PTK2: variants seen among roughly 807,000 people sequenced by gnomAD.
PTK2 encodes protein tyrosine kinase 2, also known as focal adhesion kinase 1.
In PTK2, 45 loss-of-function variants were observed where a neutral mutation model predicts 150.1. The ratio of observed to expected loss-of-function variants is 0.30; its 90% CI spans 0.24 to 0.38. The LOEUF is 0.38. PTK2 is among the 10% of genes least tolerant of loss of function. The probability of loss-of-function intolerance (pLI) is 1.00; values close to 1 mark genes in which losing one functional copy is unlikely to be tolerated. For synonymous variants in PTK2, 432 were observed against 449.2 expected (o/e 0.96, Z 0.48); for missense variants, 919 against 1,307.3 (o/e 0.70, Z 4.58).
intron 5 of PTK2, among the ~76,000 whole-genome samples, chr8:140,861,818 G>T (rs1430061735): frequency 6.6e-6 from 1 of 152,132 alleles, no homozygotes; most frequent in Non-Finnish European, 1.5e-5. Flanking sequence ...TCCTTTAAGC[G>T]AAATTTCATT....
At chr8:140,788,163 C>T (rs1039655911) in intron 14 of PTK2, among the ~76,000 whole-genome samples, 5 of 152,154 alleles carry the variant, frequency 3.3e-5, no homozygotes, top group Non-Finnish European at 5.9e-5. Context: ...TAACTGTTTA[C>T]CTGAGAACAT....
chr8:140,894,880 G>A (rs145991433), intron 2 of PTK2, among the ~76,000 whole-genome samples: 14 of 152,224 alleles, frequency 9.2e-5, no homozygotes, highest in African/African-American at 2.4e-4. Flanking sequence ...TGAAGAGCAC[G>A]ATTAACAAAT....
chr8:140,692,107 T>G (rs1485020855), intron 26 of PTK2, among the ~76,000 whole-genome samples: 1 of 152,344 alleles, frequency 6.6e-6, no homozygotes, highest in Non-Finnish European at 1.5e-5. Context: ...AATGACTTTC[T>G]TTAATGCATA....
intron 1 of PTK2, among the ~76,000 whole-genome samples, chr8:140,975,697 C>T (rs2100189035): frequency 6.6e-6 from 1 of 152,126 alleles, no homozygotes; most frequent in African/African-American, 2.4e-5. Flanking sequence ...TTCTACTCTC[C>T]GGCCTTTAAG....
chr8:140,666,149 C>A (rs1050291118), intron 30 of PTK2, among the ~76,000 whole-genome samples: 17 of 152,134 alleles, frequency 1.1e-4, no homozygotes. Flanking sequence ...ACCAGCTTGG[C>A]CAACAGGGTG....
At chr8:140,804,516 G>C (rs907561947) in intron 10 of PTK2, among the ~76,000 whole-genome samples, 3 of 151,856 alleles carry the variant, frequency 2.0e-5, no homozygotes, top group African/African-American at 7.3e-5. Context: ...CTCTAGCTTG[G>C]GCAACTCAGT....
chr8:140,672,030 AT>A (rs1564021807), intron 29 of PTK2: 1 of 376,968 alleles, frequency 2.7e-6, no homozygotes, highest in Non-Finnish European at 5.2e-6. Context: ...AATTGTATGT[AT>A]TCATTATGTT....
chr8:140,705,867 G>A (rs1397763724), intron 24 of PTK2, among the ~76,000 whole-genome samples: 2 of 152,180 alleles, frequency 1.3e-5, no homozygotes, highest in Non-Finnish European at 2.9e-5. Context: ...CACAGCAAGT[G>A]GATGAAAACG....
chr8:140,839,219 A>G (rs539002753), intron 7 of PTK2, among the ~76,000 whole-genome samples: 28 of 152,228 alleles, frequency 1.8e-4, no homozygotes, highest in African/African-American at 6.5e-4. Context: ...CAAGGTGGGG[A>G]TGATGAACCC....
intron 14 of PTK2, among the ~76,000 whole-genome samples, chr8:140,772,920 T>C (rs184568412): frequency 4.9e-4 from 74 of 152,354 alleles, no homozygotes; most frequent in South Asian, 2.1e-4. Context: ...CAATTATTCA[T>C]TCTGACCTTG....
chr8:140,714,803 A>AG (rs1374374813), intron 23 of PTK2, among the ~76,000 whole-genome samples: 24 of 150,252 alleles, frequency 1.6e-4, no homozygotes, highest in African/African-American at 5.8e-4. Context: ...TCTCAAAAAA[A>AG]AAAAAAAAAA....
intron 26 of PTK2, among the ~76,000 whole-genome samples, chr8:140,688,197 G>C (rs1345399685): frequency 6.6e-6 from 1 of 152,120 alleles, no homozygotes; most frequent in African/African-American, 2.4e-5. Context: ...GAGGGCAAAA[G>C]TCACAACTTA....
chr8:140,734,969 A>G lies in PTK2; in HGVS notation c.2030+282T>C. On this transcript the variant is annotated intron_variant, in intron 22 of 31. Transcript: ENST00000522684. ...GATGAGATTAGTGAGGAAAGCCGGG[A>G]CTAAGTTATTACGGGTCTTGTAAGC... The G allele has an allele frequency of 1.4e-5, 7 of 484,108 alleles. 1 individual carries two copies. The South Asian group carries it at 1.5e-4, about 10-fold the overall frequency. The allele number at this position is 484,108 out of a possible 1,614,324, so 30.0% of individuals were successfully genotyped here.
At chr8:140,787,927 C>T (rs2100085927) in intron 14 of PTK2, among the ~76,000 whole-genome samples, 1 of 152,186 alleles carries the variant, frequency 6.6e-6, no homozygotes, top group African/African-American at 2.4e-5. Context: ...TCCTTTGATG[C>T]CCAGCAGTTG....
intron 14 of PTK2, among the ~76,000 whole-genome samples, chr8:140,781,355 C>T (rs1040494349): frequency 2.6e-5 from 4 of 152,098 alleles, no homozygotes; most frequent in Non-Finnish European, 5.9e-5. Context: ...GCCAGAGGAT[C>T]AAGATGGTTC....
chr8:140,708,355 T>C (rs1159183236), intron 23 of PTK2, among the ~76,000 whole-genome samples: 1 of 152,182 alleles, frequency 6.6e-6, no homozygotes, highest in Non-Finnish European at 1.5e-5. Context: ...TCCTTCCATC[T>C]GTAGTATACT....
At chr8:140,769,580 C>G (rs2100074413) in intron 14 of PTK2, 1 of 1,361,038 alleles carries the variant, frequency 7.3e-7, no homozygotes, top group Non-Finnish European at 9.8e-7. Context: ...ATTACCGTCC[C>G]CACTAATTTC....
intron 8 of PTK2, among the ~76,000 whole-genome samples, chr8:140,824,432 A>C (rs958478413): frequency 6.6e-6 from 1 of 151,630 alleles, no homozygotes; most frequent in East Asian, 1.9e-4. Context: ...AAGGAAAACG[A>C]TATCATTCAG....
chr8:140,703,255 T>G (rs1001107201), intron 24 of PTK2, among the ~76,000 whole-genome samples: 2 of 150,736 alleles, frequency 1.3e-5, no homozygotes, highest in African/African-American at 4.9e-5. Context: ...AGAGAGAGAC[T>G]CCGTCTCAAA....
Sources: gnomAD v4.1 joint callset for allele counts (sites outside exome capture counted in the v4.1 genomes callset) on GRCh38, gnomAD v4.1.1 for gene constraint, MANE v1.5 for transcripts, NCBI Gene and HGNC (gene_info 2026-07-23, HGNC 2026-07-21) for gene names.